CNPY3: variants seen among roughly 807,000 people sequenced by gnomAD.
The protein encoded by CNPY3 is protein canopy homolog 3.
CNPY3 carries 20 observed loss-of-function variants against 32.0 expected under a neutral mutation model. The ratio of observed to expected loss-of-function variants is 0.63; its 90% CI spans 0.44 to 0.91. CNPY3 has a LOEUF of 0.91. Ranked by LOEUF, CNPY3 falls within the 40% of genes least tolerant of loss-of-function variation. The pLI is 0.00. For missense variants in CNPY3, 299 were observed against 340.8 expected (o/e 0.88, Z 0.97); for synonymous variants, 138 against 142.9 (o/e 0.97, Z 0.24).
Position 42,938,096 on chromosome 6 carries a change from GTGC to G in CNPY3, c.505_507del (p.Leu169del). The G allele has an allele frequency of 6.2e-7, 1 of 1,613,294 alleles. No homozygotes were observed. Among genetic ancestry groups the G allele is most frequent in the Non-Finnish European group, 8.5e-7 (1 of 1,179,216 alleles). On this transcript the variant is annotated inframe_deletion, in exon 5 of 6. Transcript: ENST00000372836. ...GAGGTATTATGATTAACAGTGTGAT[GTGC>G]TGGTGGAAGAGTTTGAGGAGGTGAT... is the stretch of plus-strand genomic sequence containing the variant.
In CNPY3 at chr6:42,938,671, G is replaced by C. The variant is rs1010647785; in HGVS notation, c.717G>C (p.Arg239Ser). ...KSSRAKAAGG[R>S]SSSSKQRKEL... Reference sequence around the variant, plus strand: ...GCAGGGCCAAGGCAGCAGGCGGCAGGAGTAGCAGCAGCAAACAAAGGAAGG... The same window carrying C: ...GCAGGGCCAAGGCAGCAGGCGGCAGCAGTAGCAGCAGCAAACAAAGGAAGG... The change falls in exon 6 of 6, where the codon AGG (arginine) becomes AGC (serine). Residue 239 changes from arginine (R) to serine (S), a missense_variant. Physicochemically the swap from Arg to Ser is moderately radical, Grantham distance 110. Around this residue, in one of 2 missense-constraint regions of CNPY3, gnomAD observed 211 missense variants for 278.3 expected, o/e 0.76. Transcript: ENST00000372836. 16 of 1,613,636 alleles carry C rather than the reference G, an allele frequency of 9.9e-6. No homozygotes were observed. In the African/African-American group the frequency reaches 2.0e-4, roughly 20 times the overall value.
At chr6:42,929,170 C>T, upstream of CNPY3, 1 of 171,024 alleles carries the variant, frequency 5.8e-6, no homozygotes. Context: ...AGCACCTGCG[C>T]GCCTGAATCC....
intron 1 of CNPY3, among the ~76,000 whole-genome samples, chr6:42,934,234 G>C (rs1768047382): frequency 6.6e-6 from 1 of 152,122 alleles, no homozygotes; most frequent in Non-Finnish European, 1.5e-5. Context: ...AGAAACAGTA[G>C]ATAAAATAGA....
At chr6:42,928,163 A>G (rs1269080829), upstream of CNPY3, among the ~76,000 whole-genome samples, 1 of 150,726 alleles carries the variant, frequency 6.6e-6, no homozygotes, top group Non-Finnish European at 1.5e-5. Context: ...AACTTTTTGT[A>G]TCTTTAGTAG....
At chr6:42,929,394 T>C (rs576990909), upstream of CNPY3, 6 of 681,690 alleles carry the variant, frequency 8.8e-6, no homozygotes, top group Non-Finnish European at 1.4e-5. Context: ...TCCGCGGGCC[T>C]TGGTCCGCTT....
rs117376821 is a variant in CNPY3 at position 42,932,042 on chromosome 6, A to T, written c.151+2321A>T. On this transcript the variant is annotated intron_variant, in intron 1 of 5. Transcript: ENST00000372836. ...CCAGCCTGTATTCTGTCTTATTCTG[A>T]TATCAAAGAGCCCATACTCTCCCTC... Among the ~76,000 whole-genome samples, 100 of 152,190 alleles carry T rather than the reference A, an allele frequency of 6.6e-4. No individual in the cohort carries two copies. The East Asian group carries it at 0.017, about 26-fold the overall frequency.
intron 1 of CNPY3, among the ~76,000 whole-genome samples, chr6:42,931,722 T>C (rs1013609847): frequency 5.3e-5 from 8 of 151,518 alleles, no homozygotes; most frequent in African/African-American, 1.9e-4. Context: ...GTCTTATTAT[T>C]ATTATTATTA....
At chr6:42,934,622 C>G in intron 2 of CNPY3, 24 bp downstream of exon 2, 1 of 1,612,914 alleles carries the variant, frequency 6.2e-7, no homozygotes, top group Non-Finnish European at 8.5e-7. Context: ...GACTCACTGG[C>G]CTGGCCTGCG....
Position 42,938,092 on chromosome 6 carries a change from T to C in CNPY3, c.498T>C (p.Cys166=), listed in dbSNP as rs2114183267. Residue 166 remains cysteine, a splice_region_variant and synonymous_variant, in exon 5 of 6, where the codon TGT becomes TGC. Coordinates refer to ENST00000372836, the MANE Select transcript of CNPY3 (RefSeq NM_006586.5). The part of the protein sequence containing the change: ...SAEVADLKKQ[C]DVLVEEFEEV... ...ATATGAGGTATTATGATTAACAGTG[T>C]GATGTGCTGGTGGAAGAGTTTGAGG... The C allele has an allele frequency of 6.2e-7, 1 of 1,612,378 alleles. No individual in the cohort carries two copies. Among genetic ancestry groups the C allele is most frequent in the Non-Finnish European group, 8.5e-7 (1 of 1,178,476 alleles).
Position 42,929,728 on chromosome 6 carries a change from A to T in CNPY3, c.151+7A>T. 1.3e-6 allele frequency: 2 copies of T among 1,543,074 alleles called. No homozygotes were observed. Among genetic ancestry groups the T allele is most frequent in the Non-Finnish European group, 1.8e-6 (2 of 1,142,300 alleles). On this transcript the variant is annotated splice_region_variant and intron_variant, in intron 1 of 5. Transcript: ENST00000372836. Reference sequence around the variant, plus strand: ...CTGCCCAGCAAATGCGAAGGTGAGGAGGCGGGGCCCGTGGGGCGTATCCTG... The same window carrying T: ...CTGCCCAGCAAATGCGAAGGTGAGGTGGCGGGGCCCGTGGGGCGTATCCTG...
intron 2 of CNPY3, among the ~76,000 whole-genome samples, chr6:42,935,058 G>A (rs1003127190): frequency 1.3e-5 from 2 of 152,082 alleles, no homozygotes; most frequent in African/African-American, 4.8e-5. Context: ...AGTAGAGATG[G>A]AGTTTCACCA....
intron 1 of CNPY3, among the ~76,000 whole-genome samples, chr6:42,931,021 C>G (rs866001721): frequency 1.7e-4 from 26 of 151,320 alleles, no homozygotes; most frequent in African/African-American, 5.8e-4. Context: ...TCCTGAGTAG[C>G]TGGGATTACA....
intron 1 of CNPY3, among the ~76,000 whole-genome samples, chr6:42,932,366 G>A (rs1280296845): frequency 1.3e-5 from 2 of 152,200 alleles, no homozygotes; most frequent in African/African-American, 2.4e-5. Context: ...TGGCTCAGTA[G>A]CCTGAGTGGA....
Position 42,937,747 on chromosome 6 carries a change from A to C in CNPY3, c.403A>C (p.Asn135His), listed in dbSNP as rs1309286461. The change falls in exon 4 of 6, where the codon AAC becomes CAC. Residue 135 changes from asparagine (N) to histidine (H), a missense_variant. By Grantham distance (68) the Asn-to-His change is moderately conservative. This residue lies in a region of CNPY3 where 211 missense variants were observed against 278.3 expected (regional missense o/e 0.76). Transcript: ENST00000372836. ...GTCAGAGACCTTTGAGACATTACAC[A>C]ACCTGGTACACAAAGGGGTCAAGGT... is the stretch of plus-strand genomic sequence containing the variant. ...GMSETFETLHNLVHKGVKVVM... is the reference protein window; with the variant it reads ...GMSETFETLHHLVHKGVKVVM... 1.9e-6 allele frequency: 3 copies of C among 1,613,960 alleles called. No homozygotes were observed. The highest frequency in any genetic ancestry group is 2.5e-6 in the Non-Finnish European group (3 of 1,180,004).
rs117529509 is a variant in CNPY3 at position 42,936,082 on chromosome 6, C to T, written c.372+412C>T. On this transcript the variant is annotated intron_variant, in intron 3 of 5. Coordinates refer to ENST00000372836, the MANE Select transcript of CNPY3 (RefSeq NM_006586.5). ...GTCCACACAGCACCTCCCACAACCC[C>T]GCTGGGATGCCCTTGTGATGGCCCA... is the stretch of plus-strand genomic sequence containing the variant. 1.5e-3 allele frequency among the ~76,000 whole-genome samples: 197 copies of T among 133,860 alleles called. 4 individuals are homozygous for T. In the East Asian group the frequency reaches 0.025, roughly 17 times the overall value. The allele number at this position is 133,860 out of a possible 152,430, so 87.8% of individuals were successfully genotyped here.
Position 42,929,507 on chromosome 6 carries a change from T to G in CNPY3, c.-64T>G. On this transcript the variant is annotated 5_prime_UTR_variant, in exon 1 of 6. Coordinates refer to ENST00000372836, the MANE Select transcript of CNPY3 (RefSeq NM_006586.5). Reference sequence around the variant, plus strand: ...AGTCCCGGAAGCGGCGAGGGGAAACTGCTCCGCGCGCGCCGCGGGAGGAGG... The same window carrying G: ...AGTCCCGGAAGCGGCGAGGGGAAACGGCTCCGCGCGCGCCGCGGGAGGAGG... 3.4e-6 allele frequency: 5 copies of G among 1,482,292 alleles called. No individual in the cohort carries two copies. The highest frequency in any genetic ancestry group is 4.5e-6 in the Non-Finnish European group (5 of 1,111,130). The allele number at this position is 1,482,292 out of a possible 1,614,324, so 91.8% of individuals were successfully genotyped here.
intron 1 of CNPY3, among the ~76,000 whole-genome samples, chr6:42,930,221 G>T (rs1395251026): frequency 6.6e-6 from 1 of 152,050 alleles, no homozygotes; most frequent in Non-Finnish European, 1.5e-5. Context: ...ACTCATCTTG[G>T]GGGAAAAAAA....
In CNPY3 at chr6:42,935,660, G is replaced by T; in HGVS notation, c.362G>T (p.Arg121Leu). The T allele has an allele frequency of 1.2e-6, 2 of 1,609,018 alleles. No homozygotes were observed. The highest frequency in any genetic ancestry group is 1.7e-6 in the Non-Finnish European group (2 of 1,176,054). Residue 121 changes from arginine (R) to leucine (L), a missense_variant, in exon 3 of 6, where the codon CGA becomes CTA. Arg to Leu is a moderately radical substitution (Grantham distance 102). Transcript: ENST00000372836. ...CACAAGGAGAGGACCGGCAGCAATC[G>T]ATTTGCCAAGGTTGGATTCGGGATT... is the stretch of plus-strand genomic sequence containing the variant. ...SLHKERTGSN[R>L]FAKGMSETFE...
chr6:42,931,281 C>T (rs1767791714), intron 1 of CNPY3, among the ~76,000 whole-genome samples: 1 of 149,154 alleles, frequency 6.7e-6, no homozygotes, highest in African/African-American at 2.5e-5. Flanking sequence ...GGCTGGAATG[C>T]AGTGGCGCGA....
Sources: allele counts gnomAD v4.1 joint callset (sites outside exome capture counted in the v4.1 genomes callset), GRCh38; gene constraint gnomAD v4.1.1; regional missense constraint gnomAD v4.1.1; transcripts MANE v1.5; gene names NCBI Gene and HGNC (gene_info 2026-07-23, HGNC 2026-07-21).